Variants in RYR3 observed in about 807,000 individuals in gnomAD.
RYR3 encodes the protein brain ryanodine receptor-calcium release channel.
Under a neutral mutation model 584.3 loss-of-function variants are expected in RYR3, and 207 were observed. The ratio of observed to expected loss-of-function variants is 0.35; its 90% CI spans 0.32 to 0.40. The LOEUF (loss-of-function observed/expected upper bound fraction) is 0.40. Ranked by LOEUF, RYR3 falls within the 10% of genes least tolerant of loss-of-function variation. The probability of loss-of-function intolerance (pLI) is 1.00; values close to 1 mark genes in which losing one functional copy is unlikely to be tolerated. For missense variants in RYR3, 5,616 were observed against 6,089.2 expected (o/e 0.92, Z 2.59); for synonymous variants, 2,416 against 2,248.5 (o/e 1.07, Z -2.11).
chr15:33,853,592 G>C lies in RYR3; in HGVS notation c.13709G>C (p.Arg4570Pro). ...NKYGDLYGAERIAELLGLDKN... is the reference protein window; with the variant it reads ...NKYGDLYGAEPIAELLGLDKN... The stretch of plus-strand genomic sequence containing the variant: ...TATGGAGATCTCTACGGAGCAGAAC[G>C]CATTGCTGAACTTCTGGGTTTGGAC... The change falls in exon 96 of 104, where the codon CGC becomes CCC. Residue 4570 changes from arginine (R) to proline (P), a missense_variant. Physicochemically the swap from Arg to Pro is moderately radical, Grantham distance 103. Around this residue, in one of 9 missense-constraint regions of RYR3, gnomAD observed 918 missense variants for 887.4 expected, o/e 1.03. Transcript: ENST00000634891. 6.2e-7 allele frequency: 1 copy of C among 1,613,928 alleles called. No individual in the cohort carries two copies. Among genetic ancestry groups the C allele is most frequent in the Non-Finnish European group, 8.5e-7 (1 of 1,179,864 alleles).
At chr15:33,548,988 C>A (rs1015357249) in intron 9 of RYR3, among the ~76,000 whole-genome samples, 1 of 152,120 alleles carries the variant, frequency 6.6e-6, no homozygotes, top group African/African-American at 2.4e-5. Flanking sequence ...TATATGCCCC[C>A]CAAGGGCTCC....
chr15:33,566,574 G>A, intron 11 of RYR3, 104 bp from the exon 12 acceptor site: 1 of 1,261,052 alleles, frequency 7.9e-7, no homozygotes. Flanking sequence ...GAGCTTATTT[G>A]GAGAAAGGAA....
chr15:33,817,469 A>G (rs1457900347), intron 75 of RYR3, among the ~76,000 whole-genome samples: 2 of 152,248 alleles, frequency 1.3e-5, no homozygotes, highest in Admixed American at 1.3e-4. Context: ...GAGGTGCCAC[A>G]GAGCCTCATT....
chr15:33,387,783 G>C (rs745574262), intron 1 of RYR3, among the ~76,000 whole-genome samples: 1 of 151,910 alleles, frequency 6.6e-6, no homozygotes, highest in African/African-American at 2.4e-5. Flanking sequence ...AGAACAAAAC[G>C]TTTAATGTAT....
In RYR3 at chr15:33,855,008, G is replaced by C. The variant is rs1021525896; in HGVS notation, c.14007+96G>C. ...TACAGTATATGACAGGAAGGAATAT[G>C]TCTTGGTATATAATGTACTTTTCTT... On this transcript the variant is annotated intron_variant, in intron 98 of 103. Transcript: ENST00000634891. 4.0e-6 allele frequency: 5 copies of C among 1,242,212 alleles called. No individual in the cohort carries two copies. In the African/African-American group the frequency reaches 7.7e-5, roughly 19 times the overall value. The allele number at this position is 1,242,212 out of a possible 1,614,324, so 76.9% of individuals were successfully genotyped here. A position where few individuals can be genotyped will look rare whatever the true frequency, so the allele number is the denominator to read the frequency against.
chr15:33,344,717 A>G (rs1972233609), intron 1 of RYR3, among the ~76,000 whole-genome samples: 2 of 152,200 alleles, frequency 1.3e-5, no homozygotes, highest in Admixed American at 6.6e-5. Flanking sequence ...ACGGTTTCTT[A>G]AAACAAACAA....
Position 33,722,882 on chromosome 15 carries a change from T to C in RYR3, c.6787T>C (p.Tyr2263His), listed in dbSNP as rs2068052281. ...AGCGCTCGACCTCCCCTCTCAAGGA[T>C]ACAAAAGAGAAGTGTAAGTGAATGG... ...NPALDLPSQG[Y>H]KREVSTGDDE... Residue 2263 changes from tyrosine (Y) to histidine (H), a missense_variant, in exon 44 of 104, where the codon TAC becomes CAC. By Grantham distance (83) the Tyr-to-His change is moderately conservative. This residue lies in a region of RYR3 where 1,280 missense variants were observed against 1,426.2 expected (regional missense o/e 0.90). Coordinates refer to ENST00000634891, the MANE Select transcript of RYR3 (RefSeq NM_001036.6). The C allele has an allele frequency of 2.5e-6, 4 of 1,579,042 alleles. No homozygotes were observed. The highest frequency in any genetic ancestry group is 2.6e-6 in the Non-Finnish European group (3 of 1,165,822).
At chr15:33,438,493 C>A (rs922560096) in intron 1 of RYR3, among the ~76,000 whole-genome samples, 9 of 152,052 alleles carry the variant, frequency 5.9e-5, no homozygotes, top group Admixed American at 3.9e-4. Context: ...GTGGAAAGGC[C>A]ACCGAGTCCC....
intron 1 of RYR3, among the ~76,000 whole-genome samples, chr15:33,406,173 T>C (rs931072368): frequency 2.6e-5 from 4 of 152,212 alleles, no homozygotes; most frequent in African/African-American, 9.6e-5. Context: ...TTCCATAGAA[T>C]ACCTTCTGTG....
intron 3 of RYR3, among the ~76,000 whole-genome samples, chr15:33,509,081 C>G (rs2052737837): frequency 6.6e-6 from 1 of 152,138 alleles, no homozygotes; most frequent in Non-Finnish European, 1.5e-5. Context: ...GACATTCATT[C>G]ATCTCATAAA....
intron 67 of RYR3, among the ~76,000 whole-genome samples, chr15:33,794,483 G>A (rs1263999427): frequency 6.6e-6 from 1 of 151,168 alleles, no homozygotes; most frequent in Non-Finnish European, 1.5e-5. Context: ...CGTTAGCAGT[G>A]TAGAGAAGGA....
At chr15:33,602,647 C>T (rs978684661) in intron 17 of RYR3, among the ~76,000 whole-genome samples, 4 of 151,470 alleles carry the variant, frequency 2.6e-5, no homozygotes, top group African/African-American at 4.9e-5. Flanking sequence ...AAAGAAACAT[C>T]CTTTATGTTT....
chr15:33,738,259 TGACTGTTCCCAGCTTGAGAGCA>T (rs1242421314), intron 49 of RYR3, among the ~76,000 whole-genome samples, 169 bp from the exon 50 acceptor site: 5 of 152,164 alleles, frequency 3.3e-5, no homozygotes, highest in South Asian at 2.1e-4. Context: ...AGGCTCAAGC[TGACTGTTCCCAGCTTGAGAGCA>T]GACTGTTCCC....
intron 1 of RYR3, among the ~76,000 whole-genome samples, chr15:33,316,288 C>T (rs1968161629): frequency 6.6e-6 from 1 of 152,112 alleles, no homozygotes; most frequent in Non-Finnish European, 1.5e-5. Flanking sequence ...TATAATTCGA[C>T]TTTTTCTTTA....
intron 1 of RYR3, chr15:33,465,892 T>C (rs1040731566): frequency 2.1e-6 from 1 of 465,616 alleles, no homozygotes; most frequent in Non-Finnish European, 4.3e-6. Context: ...TCCCTTCCTT[T>C]CTTCATCTCT....
At chr15:33,396,215 C>T (rs143678464) in intron 1 of RYR3, among the ~76,000 whole-genome samples, 1 of 152,292 alleles carries the variant, frequency 6.6e-6, no homozygotes, top group Non-Finnish European at 1.5e-5. Flanking sequence ...TAGTATACTT[C>T]ACTGAGAGAG....
At chr15:33,764,892 G>A (rs138706640) in intron 60 of RYR3, among the ~76,000 whole-genome samples, 5 of 152,046 alleles carry the variant, frequency 3.3e-5, no homozygotes, top group African/African-American at 7.2e-5. Flanking sequence ...TTAGCTGGGC[G>A]TGAAGCCACG....
intron 85 of RYR3, among the ~76,000 whole-genome samples, 153 bp downstream of exon 85, chr15:33,827,440 G>A (rs1181007224): frequency 6.6e-6 from 1 of 152,200 alleles, no homozygotes; most frequent in East Asian, 1.9e-4. Flanking sequence ...GAAGTCCAGT[G>A]CCCAAAGAGT....
intron 95 of RYR3, 132 bp downstream of exon 95, chr15:33,853,219 C>G: frequency 1.1e-6 from 1 of 938,124 alleles, no homozygotes; most frequent in Non-Finnish European, 1.6e-6. Context: ...GAGTAAGTCA[C>G]AGAAGGGGTT....
Sources: allele counts gnomAD v4.1 joint callset (sites outside exome capture counted in the v4.1 genomes callset), GRCh38; gene constraint gnomAD v4.1.1; regional missense constraint gnomAD v4.1.1; transcripts MANE v1.5; gene names NCBI Gene and HGNC (gene_info 2026-07-23, HGNC 2026-07-21).